RNF13: variants seen among roughly 807,000 people sequenced by gnomAD.
RNF13 encodes the protein ring finger protein 13.
In RNF13, 19 loss-of-function variants were observed where a neutral mutation model predicts 37.7. The ratio of observed to expected loss-of-function variants is 0.50; its 90% CI spans 0.35 to 0.74. RNF13 has a LOEUF of 0.74. Ranked by LOEUF, RNF13 falls within the 30% of genes least tolerant of loss-of-function variation. The pLI, the probability that RNF13 is intolerant of heterozygous loss-of-function variation, is 0.01. For missense variants in RNF13, 375 were observed against 453.0 expected (o/e 0.83, Z 1.56); for synonymous variants, 144 against 157.8 (o/e 0.91, Z 0.65).
chr3:149,959,166 A>C (rs1722146400), intron 8 of RNF13, among the ~76,000 whole-genome samples: 1 of 152,236 alleles, frequency 6.6e-6, no homozygotes, highest in African/African-American at 2.4e-5. Flanking sequence ...AAAAACTCAC[A>C]AAAGTGCTTT....
intron 8 of RNF13, among the ~76,000 whole-genome samples, chr3:149,947,721 T>C (rs1720909237): frequency 6.6e-6 from 1 of 151,994 alleles, no homozygotes; most frequent in Non-Finnish European, 1.5e-5. Flanking sequence ...GTTCTGTCAA[T>C]GTTGCTTCAC....
At chr3:149,877,472 C>CTTTTT (rs369676407) in intron 4 of RNF13, among the ~76,000 whole-genome samples, 7 of 101,458 alleles carry the variant, frequency 6.9e-5, no homozygotes, top group East Asian at 5.7e-4. Context: ...TTCTTTCTGT[C>CTTTTT]TTTTTTTTTT....
At chr3:149,913,298 A>T (rs964868929) in intron 7 of RNF13, among the ~76,000 whole-genome samples, 2 of 152,148 alleles carry the variant, frequency 1.3e-5, no homozygotes, top group African/African-American at 4.8e-5. Context: ...TATATTTTTT[A>T]ATTGGCTATT....
intron 4 of RNF13, 49 bp from the exon 5 acceptor site, chr3:149,895,424 C>G: frequency 2.7e-6 from 3 of 1,129,100 alleles, no homozygotes; most frequent in Non-Finnish European, 3.9e-6. Flanking sequence ...AAAGACAAAC[C>G]ACTGTCTTCC....
intron 3 of RNF13, among the ~76,000 whole-genome samples, chr3:149,853,032 C>G (rs1445595271): frequency 6.6e-6 from 1 of 151,880 alleles, no homozygotes; most frequent in African/African-American, 2.4e-5. Context: ...TTTTTTCATG[C>G]TGATAGGTAA....
intron 8 of RNF13, among the ~76,000 whole-genome samples, chr3:149,922,043 G>A (rs1376015285): frequency 1.3e-5 from 2 of 151,844 alleles, no homozygotes; most frequent in African/African-American, 4.8e-5. Flanking sequence ...GTGCGATCTT[G>A]GCTCACTGCA....
chr3:149,896,672 T>A (rs896978296), intron 5 of RNF13, among the ~76,000 whole-genome samples: 1 of 151,764 alleles, frequency 6.6e-6, no homozygotes, highest in African/African-American at 2.4e-5. Context: ...AGAGATGGAG[T>A]TTCTCCATGT....
chr3:149,849,364 G>C (rs1722931589), intron 2 of RNF13, among the ~76,000 whole-genome samples: 1 of 151,818 alleles, frequency 6.6e-6, no homozygotes, highest in Non-Finnish European at 1.5e-5. Context: ...TTGCTGGGTA[G>C]TGATTATTGA....
At chr3:149,876,594 T>C (rs1230882131) in intron 4 of RNF13, among the ~76,000 whole-genome samples, 1 of 152,062 alleles carries the variant, frequency 6.6e-6, no homozygotes, top group East Asian at 1.9e-4. Flanking sequence ...AATTTACAAG[T>C]CCCCATATGT....
intron 8 of RNF13, chr3:149,939,354 T>C: frequency 2.2e-6 from 1 of 465,012 alleles, no homozygotes; most frequent in Non-Finnish European, 4.1e-6. Flanking sequence ...CTGTGGAACT[T>C]TTCTGCCACC....
intron 1 of RNF13, among the ~76,000 whole-genome samples, chr3:149,843,297 G>A (rs1193417735): frequency 1.3e-5 from 2 of 152,112 alleles, no homozygotes; most frequent in Non-Finnish European, 2.9e-5. Context: ...GGTATCCGCA[G>A]GGAGTCCTGG....
At chr3:149,846,719 A>G (rs1722672833) in intron 2 of RNF13, among the ~76,000 whole-genome samples, 1 of 152,258 alleles carries the variant, frequency 6.6e-6, no homozygotes, top group African/African-American at 2.4e-5. Context: ...CTTTGCACAC[A>G]TACCTACCTG....
intron 5 of RNF13, among the ~76,000 whole-genome samples, chr3:149,895,889 A>T (rs1183399999): frequency 6.6e-6 from 1 of 152,208 alleles, no homozygotes; most frequent in East Asian, 1.9e-4. Flanking sequence ...GATTCACAGC[A>T]TTATTTTAGG....
chr3:149,828,156 A>G (rs1720690247), intron 1 of RNF13, among the ~76,000 whole-genome samples: 1 of 152,216 alleles, frequency 6.6e-6, no homozygotes. Flanking sequence ...TCATTTAGTC[A>G]GTCAGTTAGA....
chr3:149,861,382 T>C (rs1724239621), intron 3 of RNF13, among the ~76,000 whole-genome samples: 1 of 152,118 alleles, frequency 6.6e-6, no homozygotes, highest in Non-Finnish European at 1.5e-5. Flanking sequence ...ATCAACCTAC[T>C]GTCCATGAAT....
At chr3:149,844,366 C>T (rs887389538) in intron 1 of RNF13, among the ~76,000 whole-genome samples, 3 of 152,168 alleles carry the variant, frequency 2.0e-5, no homozygotes, top group South Asian at 2.1e-4. Flanking sequence ...ACATGGGATG[C>T]GTCTAATTCC....
intron 3 of RNF13, among the ~76,000 whole-genome samples, chr3:149,855,188 G>A (rs529372518): frequency 2.2e-4 from 33 of 152,246 alleles, no homozygotes; most frequent in Admixed American, 4.6e-4. Context: ...GCATGGTGGC[G>A]CAAGCCTGTG....
rs1011133232 is a variant in RNF13 at position 149,905,981 on chromosome 3, C to T, written c.500+3819C>T. On this transcript the variant is annotated intron_variant, in intron 6 of 9. Coordinates refer to ENST00000392894, the MANE Select transcript of RNF13 (RefSeq NM_183381.3). ...ACCCCGTACACATTTGCAGTCACTTCCTATTCCCCAGTCCTTCTTCGTCCA... is the reference window on the plus strand; with the variant it reads ...ACCCCGTACACATTTGCAGTCACTTTCTATTCCCCAGTCCTTCTTCGTCCA... 9.2e-5 allele frequency among the ~76,000 whole-genome samples: 14 copies of T among 152,316 alleles called. No individual in the cohort carries two copies. The East Asian group carries it at 2.7e-3, about 29-fold the overall frequency.
chr3:149,901,053 G>A (rs1715780976), intron 5 of RNF13, among the ~76,000 whole-genome samples: 2 of 152,060 alleles, frequency 1.3e-5, no homozygotes, highest in Admixed American at 6.6e-5. Flanking sequence ...AATTTTGGTG[G>A]GTGATGGAAC....
Sources: gnomAD v4.1 joint callset for allele counts (sites outside exome capture counted in the v4.1 genomes callset) on GRCh38, gnomAD v4.1.1 for gene constraint, MANE v1.5 for transcripts, NCBI Gene and HGNC (gene_info 2026-07-23, HGNC 2026-07-21) for gene names.